The following DAPK1 variants were observed in gnomAD, a reference collection of about 807,000 sequenced individuals.
DAPK1 encodes the protein death associated protein kinase 1.
DAPK1 carries 56 observed loss-of-function variants against 144.9 expected under a neutral mutation model. The ratio of observed to expected loss-of-function variants is 0.39; its 90% CI spans 0.31 to 0.48. The LOEUF (loss-of-function observed/expected upper bound fraction) is 0.48. Ranked by LOEUF, DAPK1 falls within the 20% of genes least tolerant of loss-of-function variation. The probability of loss-of-function intolerance (pLI) is 0.95; values close to 1 mark genes in which losing one functional copy is unlikely to be tolerated. For missense variants in DAPK1, 1,454 were observed against 1,875.4 expected (o/e 0.78, Z 4.15); for synonymous variants, 690 against 749.0 (o/e 0.92, Z 1.29).
intron 2 of DAPK1, among the ~76,000 whole-genome samples, chr9:87,601,975 T>A (rs1299977191): frequency 1.3e-5 from 2 of 152,052 alleles, no homozygotes; most frequent in African/African-American, 4.8e-5. Context: ...CCTCAGGAGA[T>A]GTGAAGATGA....
intron 18 of DAPK1, among the ~76,000 whole-genome samples, chr9:87,659,236 C>T (rs1201355012): frequency 6.6e-6 from 1 of 152,148 alleles, no homozygotes; most frequent in African/African-American, 2.4e-5. Flanking sequence ...GTGGGGGGCC[C>T]AGCTCTGTGC....
intron 2 of DAPK1, among the ~76,000 whole-genome samples, chr9:87,502,914 A>G (rs1428969373): frequency 2.0e-5 from 3 of 152,128 alleles, no homozygotes; most frequent in Non-Finnish European, 2.9e-5. Flanking sequence ...ATTGGTATCT[A>G]TGATCAATAT....
Position 87,651,510 on chromosome 9 carries a change from CTG to C in DAPK1, c.1627-16_1627-15del, listed in dbSNP as rs1373506952. On this transcript the variant is annotated splice_polypyrimidine_tract_variant and intron_variant, in intron 16 of 25. Transcript: ENST00000408954. ...CCCAAGTGAAAAGCTCTCATGATCT[CTG>C]GGGTTTGTTTCCAGGACGGACACAT... 6.8e-6 allele frequency: 11 copies of C among 1,613,764 alleles called. No homozygotes were observed. Among genetic ancestry groups the C allele is most frequent in the Non-Finnish European group, 8.5e-6 (10 of 1,179,848 alleles).
chr9:87,669,346 G>A (rs541087116), intron 19 of DAPK1, among the ~76,000 whole-genome samples: 9 of 74,264 alleles, frequency 1.2e-4, no homozygotes, highest in East Asian at 8.2e-4. Context: ...CTTGGGGTGG[G>A]GGGGGGTCAC....
intron 2 of DAPK1, among the ~76,000 whole-genome samples, chr9:87,599,030 C>T (rs2118925772): frequency 6.6e-6 from 1 of 152,298 alleles, no homozygotes; most frequent in Non-Finnish European, 1.5e-5. Flanking sequence ...ACCACAAACC[C>T]CTGCCCTTTG....
At chr9:87,543,839 T>G (rs1826141055) in intron 2 of DAPK1, among the ~76,000 whole-genome samples, 1 of 152,192 alleles carries the variant, frequency 6.6e-6, no homozygotes, top group African/African-American at 2.4e-5. Context: ...GTCTTGTGTG[T>G]TTGGATTTTG....
At position 87,627,516 on chromosome 9, in the gene DAPK1, C is replaced by CG. The variant is rs1052732934; in HGVS notation, c.285-10425dup. Among the ~76,000 whole-genome samples the CG allele has an allele frequency of 1.2e-4, 18 of 152,120 alleles. No individual in the cohort carries two copies. In the East Asian group the frequency reaches 1.4e-3, roughly 11 times the overall value. Reference sequence around the variant, plus strand: ...TGCTTGCTCCCTCTCCCCTTGCCCCCGGCAGCTCTCAGGAATGTCTAAACT... The same window carrying CG: ...TGCTTGCTCCCTCTCCCCTTGCCCCCGGGCAGCTCTCAGGAATGTCTAAACT... On this transcript the variant is annotated intron_variant, in intron 3 of 25. Coordinates refer to ENST00000408954, the MANE Select transcript of DAPK1 (RefSeq NM_004938.4).
At chr9:87,649,552 T>A (rs1300970344) in intron 15 of DAPK1, among the ~76,000 whole-genome samples, 1 of 152,160 alleles carries the variant, frequency 6.6e-6, no homozygotes, top group Non-Finnish European at 1.5e-5. Context: ...AGGCACTTAT[T>A]AGAAAGATGC....
intron 19 of DAPK1, among the ~76,000 whole-genome samples, chr9:87,673,822 C>T (rs1268970636): frequency 6.6e-6 from 1 of 152,124 alleles, no homozygotes; most frequent in Non-Finnish European, 1.5e-5. Context: ...TTCTCCCTAC[C>T]AAAGGTTGTT....
rs767849326 is a variant in DAPK1 at position 87,650,105 on chromosome 9, A to T, written c.1613A>T (p.Asn538Ile). Residue 538 changes from asparagine to isoleucine, a missense_variant, in exon 16 of 26, where the codon AAT (asparagine) becomes ATT (isoleucine). Coordinates refer to ENST00000408954, the MANE Select transcript of DAPK1 (RefSeq NM_004938.4). ...ECLAEHGADL[N>I]ACDKDGHIAL... Reference sequence around the variant, plus strand: ...CTGGCCGAACATGGAGCCGACCTTAATGCTTGCGACAAGGTGCCTTATGGG... The same window carrying T: ...CTGGCCGAACATGGAGCCGACCTTATTGCTTGCGACAAGGTGCCTTATGGG... 4 of 1,614,078 alleles carry T rather than the reference A, an allele frequency of 2.5e-6. No homozygotes were observed. Among genetic ancestry groups the T allele is most frequent in the Non-Finnish European group, 1.7e-6 (2 of 1,180,036 alleles).
intron 3 of DAPK1, among the ~76,000 whole-genome samples, chr9:87,617,657 A>G (rs1038349433): frequency 2.0e-5 from 3 of 152,210 alleles, no homozygotes; most frequent in Non-Finnish European, 2.9e-5. Flanking sequence ...TATGCAGCCC[A>G]TGATACTCAA....
At position 87,650,128 on chromosome 9, in the gene DAPK1, G is replaced by C; in HGVS notation, c.1626+10G>C. 4 of 1,613,726 alleles carry C rather than the reference G, an allele frequency of 2.5e-6. No individual in the cohort carries two copies. The highest frequency in any genetic ancestry group is 1.7e-5 in the Admixed American group (1 of 60,012). On this transcript the variant is annotated intron_variant, in intron 16 of 25. Transcript: ENST00000408954. ...TAATGCTTGCGACAAGGTGCCTTAT[G>C]GGGGAAGACTCATATGCACTGGGAA...
At chr9:87,591,944 G>A (rs1429597906) in intron 2 of DAPK1, among the ~76,000 whole-genome samples, 2 of 152,176 alleles carry the variant, frequency 1.3e-5, no homozygotes, top group Non-Finnish European at 2.9e-5. Context: ...GTCTAAACAG[G>A]GGGCCTGTGG....
chr9:87,589,114 G>A (rs933882145), intron 2 of DAPK1, among the ~76,000 whole-genome samples: 39 of 127,798 alleles, frequency 3.1e-4, no homozygotes, highest in Non-Finnish European at 5.5e-4. Context: ...TCTCCATGTT[G>A]GTCAGGCTAG....
At chr9:87,681,291 A>G in intron 19 of DAPK1, 113 bp from the exon 20 acceptor site, 1 of 702,240 alleles carries the variant, frequency 1.4e-6, no homozygotes. Flanking sequence ...AAAAGAAAAA[A>G]AGAAACATAT....
At chr9:87,650,205 G>A (rs766109774) in intron 16 of DAPK1, 87 bp downstream of exon 16, 1 of 1,394,542 alleles carries the variant, frequency 7.2e-7, no homozygotes, top group Non-Finnish European at 1.0e-6. Context: ...GTTTCCCTAA[G>A]ATAACAAACT....
chr9:87,614,564 C>G (rs555685855), intron 3 of DAPK1, among the ~76,000 whole-genome samples: 2 of 152,160 alleles, frequency 1.3e-5, no homozygotes, highest in African/African-American at 4.8e-5. Flanking sequence ...TAGAAACTCT[C>G]CCTGATCTCA....
chr9:87,524,007 A>G (rs1183624469), intron 2 of DAPK1, among the ~76,000 whole-genome samples: 2 of 152,218 alleles, frequency 1.3e-5, no homozygotes, highest in African/African-American at 4.8e-5. Context: ...CACTGTCTAA[A>G]CATGTTGAAA....
chr9:87,553,487 T>TTTTC, intron 2 of DAPK1: 1 of 114,072 alleles, frequency 8.8e-6, no homozygotes. Context: ...TTTCTTTTTC[T>TTTTC]TTTCTTTTCT....
Sources: gnomAD v4.1 joint callset for allele counts (sites outside exome capture counted in the v4.1 genomes callset) on GRCh38, gnomAD v4.1.1 for gene constraint, MANE v1.5 for transcripts, NCBI Gene and HGNC (gene_info 2026-07-23, HGNC 2026-07-21) for gene names.